MID1: variants seen among roughly 807,000 people sequenced by gnomAD.
MID1 encodes midline 1.
In MID1, 7 loss-of-function variants were observed where a neutral mutation model predicts 40.4. That is an observed-to-expected ratio of 0.17 (90% CI 0.10 to 0.33). The LOEUF is 0.33. MID1 is among the 10% of genes least tolerant of loss of function. The pLI, the probability that MID1 is intolerant of heterozygous loss-of-function variation, is 1.00. For missense variants in MID1, 367 were observed against 558.5 expected (o/e 0.66, Z 3.46); for synonymous variants, 229 against 221.2 (o/e 1.04, Z -0.31).
chrX:10,491,514 G>A (rs922992022), intron 4 of MID1, among the ~76,000 whole-genome samples: 5 of 111,001 alleles, frequency 4.5e-5, no homozygotes, highest in South Asian at 7.7e-4. Flanking sequence ...CTCCCAAAGC[G>A]TTGGGACTAC....
Position 10,593,805 on chromosome X carries a change from C to CACA in MID1, c.-56-26203_-56-26202insTGT, listed in dbSNP as rs1935361226. 4.0e-4 allele frequency among the ~76,000 whole-genome samples: 32 copies of CACA among 80,621 alleles called. 1 individual carries two copies. The South Asian group carries it at 0.019, about 47-fold the overall frequency. The allele number at this position is 80,621 out of a possible 115,157, so 70.0% of individuals were successfully genotyped here. A position where few individuals can be genotyped will look rare whatever the true frequency, so the allele number is the denominator to read the frequency against. ...CACACACACACACACACACACACAC[C>CACA]ACTTTTTCTTTTGGGGAGAGGAAGA... is the stretch of plus-strand genomic sequence containing the variant. On this transcript the variant is annotated intron_variant, in intron 1 of 9. Transcript: ENST00000317552.
At chrX:10,722,570 A>G (rs983658719) in intron 1 of MID1, among the ~76,000 whole-genome samples, 1 of 112,096 alleles carries the variant, frequency 8.9e-6, no homozygotes, top group African/African-American at 3.2e-5. Context: ...GTTAATGAAT[A>G]TCGGCCTTCA....
intron 3 of MID1, among the ~76,000 whole-genome samples, chrX:10,507,031 AATT>A (rs748987168): frequency 4.5e-5 from 5 of 111,775 alleles, no homozygotes; most frequent in Non-Finnish European, 9.4e-5. Flanking sequence ...CTCATTGTGA[AATT>A]ATTATTGTCT....
At chrX:10,638,084 A>C (rs1013632160) in intron 1 of MID1, among the ~76,000 whole-genome samples, 2 of 112,231 alleles carry the variant, frequency 1.8e-5, no homozygotes, top group East Asian at 5.6e-4. Flanking sequence ...TGGCCTTGTC[A>C]TCCAAGATGG....
At chrX:10,684,494 C>A (rs1161813799) in intron 1 of MID1, among the ~76,000 whole-genome samples, 1 of 107,695 alleles carries the variant, frequency 9.3e-6, no homozygotes, top group Admixed American at 9.9e-5. Flanking sequence ...ACCTCCACCT[C>A]CCAAGTTTAA....
In MID1 at chrX:10,766,928, A is replaced by G. The variant is rs769675849; in HGVS notation, c.-187+66626T>C. 5.4e-5 allele frequency among the ~76,000 whole-genome samples: 6 copies of G among 110,339 alleles called. No individual in the cohort carries two copies. The East Asian group carries it at 1.4e-3, about 26-fold the overall frequency. The stretch of plus-strand genomic sequence containing the variant: ...TGCCTCAAAAAAAAAAAAAAAAGAA[A>G]AATAGTTGGGTAAATAATTGGATTT... On this transcript the variant is annotated intron_variant, in intron 1 of 10. Coordinates refer to the MID1 transcript ENST00000380785.
intron 1 of MID1, among the ~76,000 whole-genome samples, chrX:10,725,735 T>C (rs936362844): frequency 8.9e-6 from 1 of 111,826 alleles, no homozygotes; most frequent in Non-Finnish European, 1.9e-5. Context: ...GGGGTGCACC[T>C]GTAATCCCAG....
At chrX:10,464,233 G>C (rs939736756) in intron 7 of MID1, among the ~76,000 whole-genome samples, 1 of 112,413 alleles carries the variant, frequency 8.9e-6, no homozygotes, top group African/African-American at 3.2e-5. Flanking sequence ...ATTATACTGA[G>C]TGGTTTTGCT....
intron 4 of MID1, among the ~76,000 whole-genome samples, chrX:10,490,288 A>G (rs1162494683): frequency 8.9e-6 from 1 of 111,908 alleles, no homozygotes; most frequent in Non-Finnish European, 1.9e-5. Flanking sequence ...TAAGTATTTC[A>G]TATTTGTGAG....
chrX:10,544,245 T>C (rs1384685523), intron 2 of MID1, among the ~76,000 whole-genome samples: 1 of 111,042 alleles, frequency 9.0e-6, no homozygotes, highest in East Asian at 2.8e-4. Flanking sequence ...AAAATGCCTG[T>C]TATGATTGTT....
intron 1 of MID1, among the ~76,000 whole-genome samples, chrX:10,763,773 G>T (rs1335791668): frequency 2.7e-5 from 3 of 111,837 alleles, no homozygotes; most frequent in East Asian, 2.8e-4. Context: ...CTAGTTGACA[G>T]TCCCACCAAC....
At chrX:10,820,109 A>G (rs1234909485) in intron 1 of MID1, among the ~76,000 whole-genome samples, 1 of 112,291 alleles carries the variant, frequency 8.9e-6, no homozygotes, top group Non-Finnish European at 1.9e-5. Flanking sequence ...AAGGAGTCCT[A>G]AAATGCAGTC....
chrX:10,794,537 G>A (rs2043955529), intron 1 of MID1, among the ~76,000 whole-genome samples: 1 of 112,157 alleles, frequency 8.9e-6, no homozygotes, highest in Non-Finnish European at 1.9e-5. Flanking sequence ...GTGACTGAAG[G>A]TGACACACCC....
At chrX:10,624,338 A>G (rs1020482224), upstream of MID1, among the ~76,000 whole-genome samples, 4 of 112,308 alleles carry the variant, frequency 3.6e-5, no homozygotes, top group African/African-American at 1.3e-4. Flanking sequence ...ACTGGAAAGA[A>G]GGGAAAAAAT....
At chrX:10,818,987 G>C (rs1301195389) in intron 1 of MID1, among the ~76,000 whole-genome samples, 2 of 112,125 alleles carry the variant, frequency 1.8e-5, no homozygotes, top group African/African-American at 6.5e-5. Context: ...TCAATAGCTA[G>C]TGATGGTGGC....
At chrX:10,467,915 T>C (rs372452279) in intron 7 of MID1, among the ~76,000 whole-genome samples, 12 of 112,138 alleles carry the variant, frequency 1.1e-4, no homozygotes, top group South Asian at 7.5e-4. Flanking sequence ...CCTCCCACTA[T>C]GCCCTGCTAC....
chrX:10,793,128 G>A (rs917963825), intron 1 of MID1, among the ~76,000 whole-genome samples: 9 of 112,274 alleles, frequency 8.0e-5, no homozygotes, highest in South Asian at 3.7e-4. Context: ...TATGTCTTGA[G>A]AGCAATTAAA....
intron 1 of MID1, among the ~76,000 whole-genome samples, chrX:10,704,739 T>TAC (rs1189463440): frequency 0.011 from 922 of 82,138 alleles, 9 homozygotes; most frequent in African/African-American, 0.024. Flanking sequence ...TATATATATA[T>TAC]ACACACACAC....
chrX:10,797,677 G>A (rs945654079), intron 1 of MID1, among the ~76,000 whole-genome samples: 1 of 111,623 alleles, frequency 9.0e-6, no homozygotes, highest in Non-Finnish European at 1.9e-5. Flanking sequence ...TTGTTGAATA[G>A]AACTTTCCAT....
Sources: allele counts gnomAD v4.1 joint callset (sites outside exome capture counted in the v4.1 genomes callset), GRCh38; gene constraint gnomAD v4.1.1; transcripts MANE v1.5; gene names NCBI Gene and HGNC (gene_info 2026-07-23, HGNC 2026-07-21).